The following GPAT2 variants were observed in gnomAD, a reference collection of about 807,000 sequenced individuals.
GPAT2 encodes the protein glycerol-3-phosphate acyltransferase 2, mitochondrial.
In GPAT2, 51 loss-of-function variants were observed where a neutral mutation model predicts 71.0. That is an observed-to-expected ratio of 0.72 (90% CI 0.57 to 0.91). The LOEUF (loss-of-function observed/expected upper bound fraction) is 0.91. Among genes scored for constraint, GPAT2 ranks in the 40% least tolerant of loss-of-function variants. The pLI is 0.00. For missense variants in GPAT2, 511 were observed against 666.0 expected (o/e 0.77, Z 2.56); for synonymous variants, 222 against 290.3 (o/e 0.76, Z 2.39).
chr2:96,022,992 G>A lies in GPAT2; in HGVS notation c.2199C>T (p.Phe733=), dbSNP rs770551294. The change falls in exon 20 of 22, where the codon TTC becomes TTT. Residue 733 remains phenylalanine (F), a synonymous_variant. Transcript: ENST00000434632. ...CTTCTTCCTGGGCGGTGGCCTGCAGGAACTGGAACAGCTGCTCTGTGTAGC... is the reference window on the plus strand; with the variant it reads ...CTTCTTCCTGGGCGGTGGCCTGCAGAAACTGGAACAGCTGCTCTGTGTAGC... ...ELGYTEQLFQ[F]LQATAQEEGI... 9 of 1,613,832 alleles carry A rather than the reference G, an allele frequency of 5.6e-6. No homozygotes were observed. The Admixed American group carries it at 8.3e-5, about 15-fold the overall frequency.
intron 12 of GPAT2, 99 bp downstream of exon 12, chr2:96,025,831 G>A: frequency 5.3e-6 from 7 of 1,319,278 alleles, no homozygotes; most frequent in Non-Finnish European, 7.6e-6. Context: ...GATACTTGGT[G>A]AGGGAGGGCT....
At position 96,022,109 on chromosome 2, in the gene GPAT2, A is replaced by C; in HGVS notation, c.*50T>G. 1 of 1,595,382 alleles carries C rather than the reference A, an allele frequency of 6.3e-7. No individual in the cohort carries two copies. The highest frequency in any genetic ancestry group is 8.5e-7 in the Non-Finnish European group (1 of 1,171,878). On this transcript the variant is annotated 3_prime_UTR_variant, in exon 22 of 22. Transcript: ENST00000434632. Reference sequence around the variant, plus strand: ...TCTCCATCTTCTGGCTCTAGGACACAGCTGTGTTCTGGGGCTGAGAAGTCT... The same window carrying C: ...TCTCCATCTTCTGGCTCTAGGACACCGCTGTGTTCTGGGGCTGAGAAGTCT...
rs2579514 is a variant in GPAT2 at position 96,024,538 on chromosome 2, G to A, written c.1576C>T (p.Arg526Cys). The change falls in exon 15 of 22, where the codon CGC becomes TGC. Residue 526 changes from arginine to cysteine, a missense_variant. Arg to Cys is a radical substitution (Grantham distance 180). This residue lies in a region of GPAT2 where 295 missense variants were observed against 305.5 expected (regional missense o/e 0.97). Transcript: ENST00000434632. ...SLLRAHVALL[R>C]IRQGDLLVVP... ...ACCAGCAAGTCACCCTGACGGATGC[G>A]CAGCAGGGCCACGTGCGCCCGCAGC... 15,048 of 1,613,848 alleles carry A rather than the reference G, an allele frequency of 9.3e-3. 95 individuals are homozygous for A. The highest frequency in any genetic ancestry group is 0.011 in the Non-Finnish European group (13,248 of 1,179,942).
chr2:96,024,735 C>T, intron 14 of GPAT2, 38 bp downstream of exon 14: 1 of 1,613,434 alleles, frequency 6.2e-7, no homozygotes, highest in Non-Finnish European at 8.5e-7. Flanking sequence ...TCGCCACCCC[C>T]CCCACCGCCC....
chr2:96,034,036 A>AATACATAT (rs1049780302), intron 1 of GPAT2, among the ~76,000 whole-genome samples: 2 of 151,404 alleles, frequency 1.3e-5, no homozygotes, highest in Admixed American at 6.6e-5. Flanking sequence ...ATACATATAT[A>AATACATAT]ATACATATAT....
chr2:96,021,960 G>A lies in GPAT2; in HGVS notation c.*199C>T. 1 of 1,344,472 alleles carries A rather than the reference G, an allele frequency of 7.4e-7. No individual in the cohort carries two copies. Among genetic ancestry groups the A allele is most frequent in the Non-Finnish European group, 1.0e-6 (1 of 1,004,750 alleles). 83.3% of individuals were successfully genotyped at this position (1,344,472 alleles called of 1,614,324 possible). On this transcript the variant is annotated 3_prime_UTR_variant, in exon 22 of 22. Coordinates refer to ENST00000434632, the MANE Select transcript of GPAT2 (RefSeq NM_001321527.2). ...CACCAAAAAGATGCTGCTGGGCTGG[G>A]GAAAAGACAACTCGTCTCGTCCCCT...
intron 12 of GPAT2, 30 bp downstream of exon 12, chr2:96,025,900 C>G (rs1167661612): frequency 6.2e-7 from 1 of 1,605,628 alleles, no homozygotes. Context: ...TTGCCTTGCC[C>G]CCTGAGACCC....
In GPAT2 at chr2:96,024,635, C is replaced by T; in HGVS notation, c.1479G>A (p.Glu493=). ...LLGEFSWLTE[E]ILLRGFDVGF... Reference sequence around the variant, plus strand: ...CTACATCAAAGCCACGCAACAGTATCTCCTCCGTCAGCCAGGAGAACTCCC... The same window carrying T: ...CTACATCAAAGCCACGCAACAGTATTTCCTCCGTCAGCCAGGAGAACTCCC... The change falls in exon 15 of 22, where the codon GAG becomes GAA. Residue 493 remains glutamate (E), a synonymous_variant. Transcript: ENST00000434632. The T allele has an allele frequency of 6.2e-7, 1 of 1,613,880 alleles. No individual in the cohort carries two copies. The highest frequency in any genetic ancestry group is 8.5e-7 in the Non-Finnish European group (1 of 1,179,918).
At position 96,024,475 on chromosome 2, in the gene GPAT2, G is replaced by C; in HGVS notation, c.1639C>G (p.Gln547Glu). Residue 547 changes from glutamine to glutamate, a missense_variant, in exon 15 of 22, where the codon CAA (glutamine) becomes GAA (glutamate). Gln to Glu is a conservative substitution (Grantham distance 29). Coordinates refer to ENST00000434632, the MANE Select transcript of GPAT2 (RefSeq NM_001321527.2). ...ACGGGCAGCAGCTCAGCACTCAGTTGTGCCAGGTGTGTGAGGCCTGGGCCA... is the reference window on the plus strand; with the variant it reads ...ACGGGCAGCAGCTCAGCACTCAGTTCTGCCAGGTGTGTGAGGCCTGGGCCA... ...QPGPGLTHLA[Q>E]LSAELLPVFL... 1 of 1,614,028 alleles carries C rather than the reference G, an allele frequency of 6.2e-7. No individual in the cohort carries two copies. Among genetic ancestry groups the C allele is most frequent in the East Asian group, 2.2e-5 (1 of 44,878 alleles).
chr2:96,022,553 T>G, intron 21 of GPAT2, 115 bp downstream of exon 21: 2 of 1,108,710 alleles, frequency 1.8e-6, no homozygotes, highest in Middle Eastern at 2.1e-4. Flanking sequence ...AGGGTCTTAA[T>G]GAGGCACCAT....
chr2:96,022,814 G>C (rs1679835725), intron 20 of GPAT2, 91 bp from the exon 21 acceptor site: 5 of 1,613,406 alleles, frequency 3.1e-6, no homozygotes, highest in Non-Finnish European at 4.2e-6. Flanking sequence ...AGAAGCCCAG[G>C]GAGGGATAGA....
rs747444299 is a variant in GPAT2 at position 96,024,857 on chromosome 2, G to A, written c.1358-14C>T. 16 of 1,612,264 alleles carry A rather than the reference G, an allele frequency of 9.9e-6. No individual in the cohort carries two copies. The South Asian group carries it at 1.8e-4, about 18-fold the overall frequency. On this transcript the variant is annotated splice_polypyrimidine_tract_variant and intron_variant, in intron 13 of 21. Coordinates refer to ENST00000434632, the MANE Select transcript of GPAT2 (RefSeq NM_001321527.2). ...TCCCTACACTGGCTGGAGTGGGGCG[G>A]GGGGTGGAGATGCTGGTCAGGTTGA...
chr2:96,023,048 C>T (rs1449178352), intron 19 of GPAT2, 25 bp from the exon 20 acceptor site: 1 of 1,614,014 alleles, frequency 6.2e-7, no homozygotes, highest in Admixed American at 1.7e-5. Flanking sequence ...AGACCTAGAC[C>T]TGGCACCCAG....
Position 96,024,413 on chromosome 2 carries a change from ACCT to A in GPAT2, c.1687+11_1687+13del. ...CACACACATCCCACCTACCCCGTGC[ACCT>A]CAAGACTCACCGCCCACAGCCTCGC... On this transcript the variant is annotated intron_variant, in intron 15 of 21. Transcript: ENST00000434632. 1 of 1,611,822 alleles carries A rather than the reference ACCT, an allele frequency of 6.2e-7. No individual in the cohort carries two copies. Among genetic ancestry groups the A allele is most frequent in the South Asian group, 1.1e-5 (1 of 91,020 alleles).
At chr2:96,033,867 G>T in intron 1 of GPAT2, among the ~76,000 whole-genome samples, 1 of 114,616 alleles carries the variant, frequency 8.7e-6, no homozygotes, top group South Asian at 3.8e-4. Context: ...CCATGGCAAG[G>T]GGTTATTCCC....
intron 21 of GPAT2, 71 bp from the exon 22 acceptor site, chr2:96,022,346 C>T (rs1679766980): frequency 3.4e-6 from 5 of 1,465,290 alleles, no homozygotes; most frequent in African/African-American, 1.4e-5. Flanking sequence ...AGGGGCCAGG[C>T]CTGTCCCCCA....
At chr2:96,024,067 A>C (rs1259631195) in intron 16 of GPAT2, 67 bp from the exon 17 acceptor site, 2 of 1,590,896 alleles carry the variant, frequency 1.3e-6, no homozygotes, top group African/African-American at 2.7e-5. Flanking sequence ...CTAGCCAAAG[A>C]CCGGGCAAGG....
In GPAT2 at chr2:96,025,513, G is replaced by C; in HGVS notation, c.1329C>G (p.Val443=). The change falls in exon 13 of 22, where the codon GTC becomes GTG. Residue 443 remains valine, a synonymous_variant. Coordinates refer to ENST00000434632, the MANE Select transcript of GPAT2 (RefSeq NM_001321527.2). ...TCAGGACATGACAGCTCAGTCTCCT[G>C]ACCAGGAGCTGGTCCTCTTCCTTGA... ...LALKEEDQLL[V]RRLSCHVLSA... 3.8e-6 allele frequency: 6 copies of C among 1,564,604 alleles called. No individual in the cohort carries two copies. Among genetic ancestry groups the C allele is most frequent in the Non-Finnish European group, 5.2e-6 (6 of 1,156,386 alleles).
In GPAT2 at chr2:96,025,605, T is replaced by C. The variant is rs1260817727; in HGVS notation, c.1239-2A>G. 6.4e-7 allele frequency: 1 copy of C among 1,565,110 alleles called. No individual in the cohort carries two copies. The highest frequency in any genetic ancestry group is 2.3e-5 in the East Asian group (1 of 44,122). ...TTCTCAGTGTCTGGGACAGCAGTACTGAGATAGAGACACAGATTACAGGAT... is the reference window on the plus strand; with the variant it reads ...TTCTCAGTGTCTGGGACAGCAGTACCGAGATAGAGACACAGATTACAGGAT... On this transcript the variant is annotated splice_acceptor_variant, in intron 12 of 21. Coordinates refer to ENST00000434632, the MANE Select transcript of GPAT2 (RefSeq NM_001321527.2). LOFTEE classifies it high-confidence loss of function.
Sources: allele counts gnomAD v4.1 joint callset (sites outside exome capture counted in the v4.1 genomes callset), GRCh38; gene constraint gnomAD v4.1.1; regional missense constraint gnomAD v4.1.1; transcripts MANE v1.5; gene names NCBI Gene and HGNC (gene_info 2026-07-23, HGNC 2026-07-21).